Variants in GLMN observed in about 807,000 individuals in gnomAD.
GLMN encodes glomulin, FKBP associated protein.
GLMN carries 75 observed loss-of-function variants against 87.8 expected under a neutral mutation model. The observed-to-expected ratio is 0.85, with a 90% CI of 0.71 to 1.04. The LOEUF is 1.04. GLMN is among the 50% of genes least tolerant of loss of function. The pLI, the probability that GLMN is intolerant of heterozygous loss-of-function variation, is 0.00. For synonymous variants in GLMN, 206 were observed against 221.6 expected, an observed-to-expected ratio of 0.93 and a Z score of 0.63; for missense variants, 588 against 658.8, an observed-to-expected ratio of 0.89 and a Z score of 1.18.
chr1:92,300,289 T>G, upstream of GLMN: 1 of 1,404,884 alleles, frequency 7.1e-7, no homozygotes, highest in Non-Finnish European at 9.9e-7. Flanking sequence ...TTATCTTGTA[T>G]TACTTGTACC....
intron 6 of GLMN, among the ~76,000 whole-genome samples, chr1:92,288,492 A>G (rs1649031900): frequency 6.6e-6 from 1 of 152,170 alleles, no homozygotes; most frequent in Admixed American, 6.5e-5. Flanking sequence ...ACAGTGGCCA[A>G]TCATCATTCA....
chr1:92,321,150 A>G, the GLMN span, among the ~76,000 whole-genome samples: 2 of 152,222 alleles, frequency 1.3e-5, no homozygotes, highest in African/African-American at 2.4e-5. Flanking sequence ...AAATGTTCCT[A>G]GTTAATAGTC....
intron 7 of GLMN, among the ~76,000 whole-genome samples, chr1:92,280,966 T>C (rs1647966353): frequency 6.6e-6 from 1 of 152,184 alleles, no homozygotes; most frequent in African/African-American, 2.4e-5. Flanking sequence ...TATGGGACTA[T>C]GTGAAAAGAC....
chr1:92,321,477 T>TA, the GLMN span, among the ~76,000 whole-genome samples: 1 of 151,816 alleles, frequency 6.6e-6, no homozygotes, highest in Admixed American at 6.6e-5. Context: ...TATATATATA[T>TA]TTTTTTCTTT....
intron 7 of GLMN, among the ~76,000 whole-genome samples, chr1:92,284,798 G>T (rs1648533726): frequency 6.6e-6 from 1 of 151,942 alleles, no homozygotes; most frequent in Non-Finnish European, 1.5e-5. Context: ...CCATCAAAAA[G>T]TAGGCAAAGG....
upstream of GLMN, chr1:92,299,013 G>C (rs1650547387): frequency 1.1e-6 from 1 of 887,326 alleles, no homozygotes; most frequent in South Asian, 1.9e-5. Context: ...TACGCGTAGG[G>C]AGGCGGGGCC....
the GLMN span, among the ~76,000 whole-genome samples, chr1:92,315,435 A>C: frequency 6.6e-6 from 1 of 152,254 alleles, no homozygotes; most frequent in Non-Finnish European, 1.5e-5. Context: ...CACAGAGAAC[A>C]CATTTTGTTG....
intron 7 of GLMN, among the ~76,000 whole-genome samples, chr1:92,283,776 A>C (rs1170242312): frequency 6.6e-6 from 1 of 152,220 alleles, no homozygotes; most frequent in African/African-American, 2.4e-5. Context: ...GCAAAGTCTC[A>C]GGATACAAAA....
the GLMN span, among the ~76,000 whole-genome samples, chr1:92,369,074 G>C: frequency 6.6e-6 from 1 of 152,138 alleles, no homozygotes; most frequent in Non-Finnish European, 1.5e-5. Context: ...GTCACCTTTT[G>C]AGGTTTTTAT....
At chr1:92,260,103 A>G (rs973583664) in intron 16 of GLMN, among the ~76,000 whole-genome samples, 1 of 152,154 alleles carries the variant, frequency 6.6e-6, no homozygotes, top group Non-Finnish European at 1.5e-5. Flanking sequence ...TAACCACAGT[A>G]GACATATTTG....
At chr1:92,261,804 C>T (rs1041097976) in intron 16 of GLMN, among the ~76,000 whole-genome samples, 3 of 96,090 alleles carry the variant, frequency 3.1e-5, no homozygotes, top group East Asian at 9.6e-4. Context: ...CTTTGAAATA[C>T]ATCAAAAAAT....
chr1:92,279,660 AC>A (rs1388918167), intron 7 of GLMN, among the ~76,000 whole-genome samples: 1 of 152,118 alleles, frequency 6.6e-6, no homozygotes, highest in Non-Finnish European at 1.5e-5. Flanking sequence ...GCATTGCCTC[AC>A]CCGGGAAGTG....
the GLMN span, among the ~76,000 whole-genome samples, chr1:92,304,844 C>G: frequency 6.6e-6 from 1 of 152,114 alleles, no homozygotes; most frequent in African/African-American, 2.4e-5. Context: ...GTAGAAGACA[C>G]TATGGGAGAT....
At chr1:92,273,867 A>C (rs893540100) in intron 7 of GLMN, among the ~76,000 whole-genome samples, 4 of 151,946 alleles carry the variant, frequency 2.6e-5, no homozygotes, top group African/African-American at 9.7e-5. Flanking sequence ...CTATCCACAC[A>C]CCATCCAGCA....
At position 92,285,258 on chromosome 1, in the gene GLMN, T is replaced by G. The variant is rs180919910; in HGVS notation, c.735+1232A>C. ...GACTAGATTAAGAAAATGTGGCACATATATACCATGGAATACTATGCAGCC... is the reference window on the plus strand; with the variant it reads ...GACTAGATTAAGAAAATGTGGCACAGATATACCATGGAATACTATGCAGCC... On this transcript the variant is annotated intron_variant, in intron 7 of 18. Coordinates refer to ENST00000370360, the MANE Select transcript of GLMN (RefSeq NM_053274.3). 2.6e-5 allele frequency among the ~76,000 whole-genome samples: 4 copies of G among 152,280 alleles called. No homozygotes were observed. In the East Asian group the frequency reaches 7.7e-4, roughly 29 times the overall value.
chr1:92,281,354 T>C (rs1648026504), intron 7 of GLMN, among the ~76,000 whole-genome samples: 1 of 152,208 alleles, frequency 6.6e-6, no homozygotes, highest in Admixed American at 6.5e-5. Context: ...CAGAATTTCA[T>C]ATCCAGCCAA....
the GLMN span, among the ~76,000 whole-genome samples, chr1:92,351,950 G>A: frequency 1.5e-4 from 23 of 152,090 alleles, no homozygotes; most frequent in Admixed American, 6.5e-4. Context: ...CAGGGAGAGA[G>A]GTGTGTGTTG....
At chr1:92,252,329 TATTGCAATGTGCCGTG>T (rs1230631960) in intron 16 of GLMN, among the ~76,000 whole-genome samples, 1 of 152,110 alleles carries the variant, frequency 6.6e-6, no homozygotes, top group Non-Finnish European at 1.5e-5. Flanking sequence ...AGGAGGTTGT[TATTGCAATGTGCCGTG>T]ATTGCGCCAC....
At chr1:92,359,776 G>C in the GLMN span, among the ~76,000 whole-genome samples, 1 of 152,208 alleles carries the variant, frequency 6.6e-6, no homozygotes, top group Non-Finnish European at 1.5e-5. Context: ...AGATTTTAGT[G>C]TCAGCATTGG....
Sources: gnomAD v4.1 joint callset for allele counts (sites outside exome capture counted in the v4.1 genomes callset) on GRCh38, gnomAD v4.1.1 for gene constraint, MANE v1.5 for transcripts, NCBI Gene and HGNC (gene_info 2026-07-23, HGNC 2026-07-21) for gene names.